SGSM2: variants seen among roughly 807,000 people sequenced by gnomAD.
SGSM2 encodes the protein small G protein signaling modulator 2, also known as RUN and TBC1 domain containing 1.
Under a neutral mutation model 126.6 loss-of-function variants are expected in SGSM2, and 89 were observed. The ratio of observed to expected loss-of-function variants is 0.70; its 90% CI spans 0.59 to 0.84. The LOEUF is 0.84. Among genes scored for constraint, SGSM2 ranks in the 40% least tolerant of loss-of-function variants. The pLI, the probability that SGSM2 is intolerant of heterozygous loss-of-function variation, is 0.00. For missense variants in SGSM2, 1,404 were observed against 1,416.6 expected, an observed-to-expected ratio of 0.99 and a Z score of 0.14; for synonymous variants, 614 against 574.3, an observed-to-expected ratio of 1.07 and a Z score of -0.99.
Position 2,367,027 on chromosome 17 carries a change from T to G in SGSM2, c.1289-244T>G, listed in dbSNP as rs1232419938. ...CCTCCCACCTCTGTTCTCTCTCTTC[T>G]GTTCTTCCTAGAGAGGCTGCCTCCG... On this transcript the variant is annotated intron_variant, in intron 11 of 23. Transcript: ENST00000268989. This position sits in a 1 kb window ranked among gnomAD's most constrained non-coding sequence, Gnocchi z 4.0. The G allele has an allele frequency of 2.0e-6, 1 of 500,550 alleles. No individual in the cohort carries two copies. Among genetic ancestry groups the G allele is most frequent in the Non-Finnish European group, 3.6e-6 (1 of 277,016 alleles). The allele number at this position is 500,550 out of a possible 1,614,324, so 31.0% of individuals were successfully genotyped here.
At chr17:2,352,808 C>T (rs67398811) in intron 2 of SGSM2, among the ~76,000 whole-genome samples, 30,596 of 73,830 alleles carry the variant, frequency 0.41, 7,506 homozygotes, top group East Asian at 0.64. Flanking sequence ...GACGGAGTCT[C>T]GCTCTGTCGC....
chr17:2,364,378 T>C lies in SGSM2; in HGVS notation c.932+195T>C, dbSNP rs567273742. 6 of 866,420 alleles carry C rather than the reference T, an allele frequency of 6.9e-6. No homozygotes were observed. In the South Asian group the frequency reaches 9.9e-5, roughly 14 times the overall value. 53.7% of individuals were successfully genotyped at this position (866,420 alleles called of 1,614,324 possible). A position where few individuals can be genotyped will look rare whatever the true frequency, so the allele number is the denominator to read the frequency against. ...GGAGCCAAGCCTGGCCGTGAAGAGG[T>C]TTGTCTGAGCCAAGCTCTCAGCGGC... On this transcript the variant is annotated intron_variant, in intron 8 of 23. Coordinates refer to ENST00000268989, the MANE Select transcript of SGSM2 (RefSeq NM_014853.3).
chr17:2,361,065 G>C (rs1361693482), intron 2 of SGSM2, among the ~76,000 whole-genome samples: 1 of 152,210 alleles, frequency 6.6e-6, no homozygotes, highest in Non-Finnish European at 1.5e-5. Context: ...GGAAAGTCCA[G>C]ACAGAGACTA....
chr17:2,363,168 T>TG lies in SGSM2; in HGVS notation c.672+37dup. The stretch of plus-strand genomic sequence containing the variant: ...CCCCTCCCCACCCTTTGGGCTCATC[T>TG]GGGCTATGCCCATGGGCCTGTAGGG... On this transcript the variant is annotated intron_variant, in intron 6 of 23. Transcript: ENST00000268989. The surrounding 1 kb of genome is among the most constrained non-coding windows in gnomAD (Gnocchi z 4.2). The TG allele has an allele frequency of 1.9e-6, 3 of 1,561,260 alleles. No individual in the cohort carries two copies. The highest frequency in any genetic ancestry group is 1.4e-5 in the African/African-American group (1 of 73,706).
rs1357906683 is a variant in SGSM2 at position 2,375,516 on chromosome 17, G to C, written c.2125G>C (p.Glu709Gln). 1.9e-6 allele frequency: 3 copies of C among 1,611,198 alleles called. No homozygotes were observed. The highest frequency in any genetic ancestry group is 2.7e-5 in the African/African-American group (2 of 74,868). ...NDVFISVDDL[E>Q]PPEPQDPEDS... ...GGTGTTTATCTCAGTGGATGATCTG[G>C]AACCCCCGGAGCCCCAGGACCCTGA... is the stretch of plus-strand genomic sequence containing the variant. Residue 709 changes from glutamate to glutamine, a missense_variant, in exon 18 of 24, where the codon GAA becomes CAA. Glu to Gln is a conservative substitution (Grantham distance 29). Coordinates refer to ENST00000268989, the MANE Select transcript of SGSM2 (RefSeq NM_014853.3).
Position 2,377,009 on chromosome 17 carries a change from A to T in SGSM2, c.2743A>T (p.Asn915Tyr), listed in dbSNP as rs761037085. The change falls in exon 21 of 24, where the codon AAC becomes TAC. Residue 915 changes from asparagine to tyrosine, a missense_variant. Physicochemically the swap from Asn to Tyr is moderately radical, Grantham distance 143. Transcript: ENST00000268989. ...CCACCTCATGAAGAGGATGAGCCAG[A>T]ACTTCCCCAACGGGGGTGCCATGGA... ...FSHLMKRMSQ[N>Y]FPNGGAMDTH... 4.6e-5 allele frequency: 75 copies of T among 1,613,762 alleles called. No individual in the cohort carries two copies. In the East Asian group the frequency reaches 1.6e-3, roughly 35 times the overall value.
At chr17:2,342,107 C>T (rs1404742753) in intron 1 of SGSM2, among the ~76,000 whole-genome samples, 1 of 152,108 alleles carries the variant, frequency 6.6e-6, no homozygotes, top group Non-Finnish European at 1.5e-5. Context: ...TGAGTGATTC[C>T]ACTTATAAAA....
rs1168543892 is a variant in SGSM2 at position 2,372,199 on chromosome 17, C to T, written c.1587C>T (p.Leu529=). 7 of 1,613,186 alleles carry T rather than the reference C, an allele frequency of 4.3e-6. No homozygotes were observed. The African/African-American group carries it at 6.7e-5, about 15-fold the overall frequency. ...CCGGTTGTTGCCACAGGTTGCCGCT[C>T]AGGCTACTGTGTGAGAGTATGAAGA... ...HCSCIPDRLP[L]RLLCESMKRQ... Residue 529 remains leucine (L), a synonymous_variant, in exon 14 of 24, where the codon CTC becomes CTT. Coordinates refer to ENST00000268989, the MANE Select transcript of SGSM2 (RefSeq NM_014853.3). This position sits in a 1 kb window ranked among gnomAD's most constrained non-coding sequence, Gnocchi z 6.0.
intron 17 of SGSM2, chr17:2,375,289 T>C: frequency 3.5e-6 from 2 of 565,332 alleles, no homozygotes; most frequent in Non-Finnish European, 3.0e-6. Flanking sequence ...CGTGTCTTCA[T>C]GTTTGGCCAG....
Position 2,375,791 on chromosome 17 carries a change from C to G in SGSM2, c.2400C>G (p.Pro800=). Reference sequence around the variant, plus strand: ...CTGCAGCTCACACTTTGAGGGAGCCCCAGGATCCCAGCCAGGAGAAGCCTC... The same window carrying G: ...CTGCAGCTCACACTTTGAGGGAGCCGCAGGATCCCAGCCAGGAGAAGCCTC... ...PGPAAHTLRE[P]QDPSQEKPQA... Residue 800 remains proline, a synonymous_variant, in exon 18 of 24, where the codon CCC becomes CCG. Coordinates refer to ENST00000268989, the MANE Select transcript of SGSM2 (RefSeq NM_014853.3). 2 of 1,574,624 alleles carry G rather than the reference C, an allele frequency of 1.3e-6. No individual in the cohort carries two copies. The highest frequency in any genetic ancestry group is 1.7e-6 in the Non-Finnish European group (2 of 1,160,516).
chr17:2,380,037 T>C lies in SGSM2; in HGVS notation c.*517T>C. 7.1e-7 allele frequency: 1 copy of C among 1,406,972 alleles called. No homozygotes were observed. The highest frequency in any genetic ancestry group is 9.2e-7 in the Non-Finnish European group (1 of 1,084,572). The allele number at this position is 1,406,972 out of a possible 1,614,324, so 87.2% of individuals were successfully genotyped here. ...TTCTGGTTTAGGCACACGTCACGGG[T>C]GCGGGAGACCCGGGCACGGGAGACC... On this transcript the variant is annotated 3_prime_UTR_variant, in exon 24 of 24. Coordinates refer to ENST00000268989, the MANE Select transcript of SGSM2 (RefSeq NM_014853.3).
At chr17:2,365,377 G>T in intron 11 of SGSM2, 36 bp downstream of exon 11, 1 of 1,506,958 alleles carries the variant, frequency 6.6e-7, no homozygotes. Flanking sequence ...GGGAGGAGAG[G>T]AAGACGCTCT....
chr17:2,363,084 C>T lies in SGSM2; in HGVS notation c.622C>T (p.Arg208Trp), dbSNP rs555084179. 20 of 1,613,352 alleles carry T rather than the reference C, an allele frequency of 1.2e-5. No homozygotes were observed. Among genetic ancestry groups the T allele is most frequent in the African/African-American group, 9.3e-5 (7 of 75,052 alleles). Reference protein sequence around the residue: ...ADELVQRHRIRGPPTRQDSPA... With the variant: ...ADELVQRHRIWGPPTRQDSPA... ...TGAGCTGGTCCAGCGGCACCGCATC[C>T]GGGGTCCACCTACTCGCCAGGACTC... is the stretch of plus-strand genomic sequence containing the variant. Residue 208 changes from arginine (R) to tryptophan (W), a missense_variant, in exon 6 of 24, where the codon CGG becomes TGG. Coordinates refer to ENST00000268989, the MANE Select transcript of SGSM2 (RefSeq NM_014853.3). The surrounding 1 kb of genome is among the most constrained non-coding windows in gnomAD (Gnocchi z 4.2).
At chr17:2,357,834 T>C (rs2065144607) in intron 2 of SGSM2, among the ~76,000 whole-genome samples, 1 of 152,238 alleles carries the variant, frequency 6.6e-6, no homozygotes, top group South Asian at 2.1e-4. Context: ...TTTTGATTCA[T>C]TTGCCCAAAC....
intron 2 of SGSM2, among the ~76,000 whole-genome samples, chr17:2,357,216 T>C (rs1335764956): frequency 6.6e-6 from 1 of 152,064 alleles, no homozygotes; most frequent in Non-Finnish European, 1.5e-5. Context: ...TCCAACAGTG[T>C]GCTGGAGTTA....
At chr17:2,346,145 C>T (rs571925825) in intron 2 of SGSM2, among the ~76,000 whole-genome samples, 17 of 152,296 alleles carry the variant, frequency 1.1e-4, no homozygotes, top group African/African-American at 3.8e-4. Context: ...GTCCTAGCCA[C>T]GTCCGAATTC....
intron 2 of SGSM2, among the ~76,000 whole-genome samples, chr17:2,359,716 T>C (rs2151549883): frequency 6.6e-6 from 1 of 152,276 alleles, no homozygotes; most frequent in South Asian, 2.1e-4. Context: ...GCCTGGCTGC[T>C]TTTGCGGTCG....
intron 2 of SGSM2, among the ~76,000 whole-genome samples, chr17:2,354,231 G>A (rs1291034979): frequency 1.7e-5 from 1 of 59,320 alleles, no homozygotes; most frequent in Middle Eastern, 0.011. Context: ...TTGTTTTTTA[G>A]TAGAGACGGG....
At position 2,380,367 on chromosome 17, in the gene SGSM2, C is replaced by T. The variant is rs973936054; in HGVS notation, c.*847C>T. On this transcript the variant is annotated 3_prime_UTR_variant, in exon 24 of 24. Transcript: ENST00000268989. ...CTGAGGAATCCCAGGGTGACTCTGT[C>T]GGGGAAGAATCCGGTCACAGCCTCC... The T allele has an allele frequency of 2.7e-5, 40 of 1,462,612 alleles. No homozygotes were observed. Among genetic ancestry groups the T allele is most frequent in the East Asian group, 9.9e-5 (4 of 40,560 alleles). 90.6% of individuals were successfully genotyped at this position (1,462,612 alleles called of 1,614,324 possible).
Sources: allele counts gnomAD v4.1 joint callset (sites outside exome capture counted in the v4.1 genomes callset), GRCh38; gene constraint gnomAD v4.1.1; non-coding constraint Gnocchi (gnomAD v3.1); transcripts MANE v1.5; gene names NCBI Gene and HGNC (gene_info 2026-07-23, HGNC 2026-07-21).